The following PCDHGA10 variants were observed in gnomAD, a reference collection of about 807,000 sequenced individuals.
PCDHGA10 encodes protocadherin gamma subfamily A, 10, also known as protocadherin gamma-A10.
Under a neutral mutation model 59.5 loss-of-function variants are expected in PCDHGA10, and 42 were observed. The observed-to-expected ratio is 0.71, with a 90% CI of 0.55 to 0.91. The LOEUF (loss-of-function observed/expected upper bound fraction) is 0.91. Among genes scored for constraint, PCDHGA10 ranks in the 40% least tolerant of loss-of-function variants. The pLI, the probability that PCDHGA10 is intolerant of heterozygous loss-of-function variation, is 0.00. For missense variants in PCDHGA10, 1,111 were observed against 1,198.2 expected (o/e 0.93, Z 1.07); for synonymous variants, 511 against 517.2 (o/e 0.99, Z 0.16).
In PCDHGA10 at chr5:141,490,378, G is replaced by A; in HGVS notation, c.2437-4429G>A. On this transcript the variant is annotated intron_variant, in intron 1 of 3. Transcript: ENST00000398610. The surrounding 1 kb of genome is among the most constrained non-coding windows in gnomAD (Gnocchi z 5.4). The stretch of plus-strand genomic sequence containing the variant: ...GTTTAATGTGCGAGACCGGGACTCA[G>A]GTAGAAATGGTGAAGTGAGCCTTGA... 1 of 1,614,214 alleles carries A rather than the reference G, an allele frequency of 6.2e-7. No homozygotes were observed. The highest frequency in any genetic ancestry group is 1.1e-5 in the South Asian group (1 of 91,086).
intron 1 of PCDHGA10, among the ~76,000 whole-genome samples, chr5:141,425,111 A>G (rs2096857405): frequency 6.6e-6 from 1 of 152,144 alleles, no homozygotes; most frequent in Admixed American, 6.5e-5. Context: ...AGATGCCTAC[A>G]TTTTTCTTGA....
chr5:141,432,601 G>C lies in PCDHGA10; in HGVS notation c.2436+16990G>C. The C allele has an allele frequency of 6.2e-7, 1 of 1,613,952 alleles. No homozygotes were observed. The highest frequency in any genetic ancestry group is 8.5e-7 in the Non-Finnish European group (1 of 1,179,984). On this transcript the variant is annotated intron_variant, in intron 1 of 3. Coordinates refer to ENST00000398610, the MANE Select transcript of PCDHGA10 (RefSeq NM_018913.3). The surrounding 1 kb of genome is among the most constrained non-coding windows in gnomAD (Gnocchi z 6.0). ...ACCGTCTGCTCAAGGCCAGCGAGCC[G>C]GGACTCTTCTCGGTGGGTCTGCACA...
At chr5:141,507,786 GTCTAAGCC>G (rs1279265471) in intron 3 of PCDHGA10, among the ~76,000 whole-genome samples, 1 of 152,174 alleles carries the variant, frequency 6.6e-6, no homozygotes, top group Admixed American at 6.5e-5. Flanking sequence ...CCTGACCCTC[GTCTAAGCC>G]TGCGCCCTGG....
chr5:141,423,636 C>A, intron 1 of PCDHGA10: 1 of 1,598,388 alleles, frequency 6.3e-7, no homozygotes, highest in Non-Finnish European at 8.5e-7. Context: ...TCATTTTAGG[C>A]AAATGTGACC....
chr5:141,477,002 G>A lies in PCDHGA10; in HGVS notation c.2437-17805G>A, dbSNP rs770390597. On this transcript the variant is annotated intron_variant, in intron 1 of 3. Coordinates refer to ENST00000398610, the MANE Select transcript of PCDHGA10 (RefSeq NM_018913.3). The surrounding 1 kb of genome is among the most constrained non-coding windows in gnomAD (Gnocchi z 4.9). ...CCGCGCCGGCGTGCGGCAACTATTC[G>A]CCTTAGACCTTGTAACCGGGATGCT... 6.2e-7 allele frequency: 1 copy of A among 1,614,102 alleles called. No homozygotes were observed. The highest frequency in any genetic ancestry group is 1.3e-5 in the African/African-American group (1 of 74,952).
At chr5:141,436,467 A>G (rs2097825090) in intron 1 of PCDHGA10, among the ~76,000 whole-genome samples, 1 of 152,216 alleles carries the variant, frequency 6.6e-6, no homozygotes, top group South Asian at 2.1e-4. Flanking sequence ...GAATTTTCAG[A>G]TGTATCATAG....
intron 1 of PCDHGA10, among the ~76,000 whole-genome samples, chr5:141,435,715 A>G (rs528951395): frequency 6.6e-6 from 1 of 152,328 alleles, no homozygotes; most frequent in African/African-American, 2.4e-5. Context: ...ACAGACACTG[A>G]ATGCTAAAGT....
chr5:141,485,009 C>A lies in PCDHGA10; in HGVS notation c.2437-9798C>A, dbSNP rs531346426. 4 of 628,216 alleles carry A rather than the reference C, an allele frequency of 6.4e-6. No individual in the cohort carries two copies. Among genetic ancestry groups the A allele is most frequent in the African/African-American group, 3.7e-5 (2 of 54,100 alleles). 38.9% of individuals were successfully genotyped at this position (628,216 alleles called of 1,614,324 possible). On this transcript the variant is annotated intron_variant, in intron 1 of 3. Transcript: ENST00000398610. This position sits in a 1 kb window ranked among gnomAD's most constrained non-coding sequence, Gnocchi z 5.7. Reference sequence around the variant, plus strand: ...GGTGGTGAAAGGCAGACAAATCTACCCCGCCACCAGCAAAAACGGCGCGTA... The same window carrying A: ...GGTGGTGAAAGGCAGACAAATCTACACCGCCACCAGCAAAAACGGCGCGTA...
chr5:141,448,896 G>C (rs560617459), intron 1 of PCDHGA10, among the ~76,000 whole-genome samples: 5 of 152,302 alleles, frequency 3.3e-5, no homozygotes, highest in African/African-American at 1.2e-4. Context: ...AGTGAGCCGA[G>C]ATCGTGCCAC....
At chr5:141,463,803 A>G (rs975202568) in intron 1 of PCDHGA10, among the ~76,000 whole-genome samples, 1 of 152,150 alleles carries the variant, frequency 6.6e-6, no homozygotes, top group Non-Finnish European at 1.5e-5. Flanking sequence ...AATGTCTAAA[A>G]GCTTTTATCA....
At chr5:141,501,334 C>CA (rs2099808390) in intron 2 of PCDHGA10, among the ~76,000 whole-genome samples, 1 of 145,376 alleles carries the variant, frequency 6.9e-6, no homozygotes, top group Non-Finnish European at 1.5e-5. Flanking sequence ...CACACACACA[C>CA]CCCAAACTCA....
In PCDHGA10 at chr5:141,432,866, G is replaced by C. The variant is rs139832920; in HGVS notation, c.2436+17255G>C. 8 of 1,614,152 alleles carry C rather than the reference G, an allele frequency of 5.0e-6. No individual in the cohort carries two copies. Among genetic ancestry groups the C allele is most frequent in the South Asian group, 2.2e-5 (2 of 91,074 alleles). On this transcript the variant is annotated intron_variant, in intron 1 of 3. Coordinates refer to ENST00000398610, the MANE Select transcript of PCDHGA10 (RefSeq NM_018913.3). The surrounding 1 kb of genome is among the most constrained non-coding windows in gnomAD (Gnocchi z 6.0). ...GGTAGCGGTGGCCGCGGTCTCCTGC[G>C]TCTTCCTGGCCTTCGTCATCTTGCT...
Position 141,431,325 on chromosome 5 carries a change from G to GT in PCDHGA10, c.2436+15715dup, listed in dbSNP as rs1340996903. On this transcript the variant is annotated intron_variant, in intron 1 of 3. Transcript: ENST00000398610. This position sits in a 1 kb window ranked among gnomAD's most constrained non-coding sequence, Gnocchi z 4.8. ...ATCGTGCAAAATGGAGCCGACGGTA[G>GT]TAAGTACCCCGAATTGGTGCTGAAA... 22 of 1,614,028 alleles carry GT rather than the reference G, an allele frequency of 1.4e-5. No homozygotes were observed. In the Admixed American group the frequency reaches 2.5e-4, roughly 18 times the overall value.
At chr5:141,509,344 T>A (rs2099876374) in intron 3 of PCDHGA10, among the ~76,000 whole-genome samples, 1 of 152,202 alleles carries the variant, frequency 6.6e-6, no homozygotes, top group Admixed American at 6.5e-5. Flanking sequence ...GGGCCTGGGC[T>A]GGCCTGGGCA....
At position 141,487,080 on chromosome 5, in the gene PCDHGA10, C is replaced by G. The variant is rs2154580766; in HGVS notation, c.2437-7727C>G. 1 of 1,614,126 alleles carries G rather than the reference C, an allele frequency of 6.2e-7. No individual in the cohort carries two copies. Among genetic ancestry groups the G allele is most frequent in the East Asian group, 2.2e-5 (1 of 44,872 alleles). On this transcript the variant is annotated intron_variant, in intron 1 of 3. Coordinates refer to ENST00000398610, the MANE Select transcript of PCDHGA10 (RefSeq NM_018913.3). This position sits in a 1 kb window ranked among gnomAD's most constrained non-coding sequence, Gnocchi z 5.0. ...GTGCGGACGGCTGTTCCTATCCCAG[C>G]TGACCTCCCACCACAGAAGCTGGTC...
At chr5:141,416,576 A>C (rs1300203182) in intron 1 of PCDHGA10, 2 of 152,204 alleles carry the variant, frequency 1.3e-5, no homozygotes, top group Non-Finnish European at 2.9e-5. Flanking sequence ...TGAAATTGAG[A>C]GGCAAAATAA....
chr5:141,477,566 C>T lies in PCDHGA10; in HGVS notation c.2437-17241C>T, dbSNP rs749100730. On this transcript the variant is annotated intron_variant, in intron 1 of 3. Coordinates refer to ENST00000398610, the MANE Select transcript of PCDHGA10 (RefSeq NM_018913.3). The surrounding 1 kb of genome is among the most constrained non-coding windows in gnomAD (Gnocchi z 4.9). ...AATACTAAACCTAAGTGTCTGGGAC[C>T]CCGACGCCCCGCAGAATGCTCGGCT... The T allele has an allele frequency of 1.9e-6, 3 of 1,613,988 alleles. No homozygotes were observed. The highest frequency in any genetic ancestry group is 8.5e-7 in the Non-Finnish European group (1 of 1,180,032).
In PCDHGA10 at chr5:141,431,766, C is replaced by T. The variant is rs1474420822; in HGVS notation, c.2436+16155C>T. Reference sequence around the variant, plus strand: ...TCTGCGCGAGCCAAAGTCCTGATCACTGTTCTGGACGTGAACGACAATGCC... The same window carrying T: ...TCTGCGCGAGCCAAAGTCCTGATCATTGTTCTGGACGTGAACGACAATGCC... On this transcript the variant is annotated intron_variant, in intron 1 of 3. Transcript: ENST00000398610. The surrounding 1 kb of genome is among the most constrained non-coding windows in gnomAD (Gnocchi z 4.8). 2.5e-6 allele frequency: 4 copies of T among 1,614,196 alleles called. No individual in the cohort carries two copies. Among genetic ancestry groups the T allele is most frequent in the Non-Finnish European group, 3.4e-6 (4 of 1,180,010 alleles).
At chr5:141,464,407 A>G (rs996561936) in intron 1 of PCDHGA10, among the ~76,000 whole-genome samples, 1 of 151,544 alleles carries the variant, frequency 6.6e-6, no homozygotes, top group Non-Finnish European at 1.5e-5. Flanking sequence ...CCTGAGATAT[A>G]TATATATCTA....
Sources: gnomAD v4.1 joint callset for allele counts (sites outside exome capture counted in the v4.1 genomes callset) on GRCh38, gnomAD v4.1.1 for gene constraint, Gnocchi (gnomAD v3.1) non-coding constraint, MANE v1.5 for transcripts, NCBI Gene and HGNC (gene_info 2026-07-23, HGNC 2026-07-21) for gene names.